Variants in CACNA1A observed in about 807,000 individuals in gnomAD.
The protein encoded by CACNA1A is voltage-dependent P/Q-type calcium channel subunit alpha-1A.
Under a neutral mutation model 262.4 loss-of-function variants are expected in CACNA1A, and 57 were observed. The ratio of observed to expected loss-of-function variants is 0.22; its 90% CI spans 0.18 to 0.27. CACNA1A has a LOEUF of 0.27. Ranked by LOEUF, CACNA1A falls within the 10% of genes least tolerant of loss-of-function variation. The probability of loss-of-function intolerance (pLI) is 1.00; values close to 1 mark genes in which losing one functional copy is unlikely to be tolerated. For missense variants in CACNA1A, 2,526 were observed against 3,562.8 expected, an observed-to-expected ratio of 0.71 and a Z score of 7.41; for synonymous variants, 1,431 against 1,419.3, an observed-to-expected ratio of 1.01 and a Z score of -0.18.
At chr19:13,478,764 T>C (rs543913840) in intron 1 of CACNA1A, among the ~76,000 whole-genome samples, 41 of 152,348 alleles carry the variant, frequency 2.7e-4, no homozygotes, top group Middle Eastern at 6.8e-3. Flanking sequence ...TATTTCCAGA[T>C]GAATGCTATT....
intron 14 of CACNA1A, 70 bp from the exon 15 acceptor site, chr19:13,307,924 C>T (rs1396225033): frequency 6.8e-7 from 1 of 1,462,710 alleles, no homozygotes; most frequent in African/African-American, 1.4e-5. Flanking sequence ...CTCAGTATCT[C>T]ATCTCCAAGG....
chr19:13,227,845 C>T (rs961135177), intron 36 of CACNA1A, among the ~76,000 whole-genome samples: 2 of 137,448 alleles, frequency 1.5e-5, no homozygotes, highest in South Asian at 2.4e-4. Context: ...TGGAGGGATG[C>T]GGAGGGGAGG....
In CACNA1A at chr19:13,451,858, C is replaced by CT. The variant is rs34930003; in HGVS notation, c.539+1017dup. 620 of 140,492 alleles carry CT rather than the reference C, an allele frequency of 4.4e-3. 7 individuals are homozygous for CT. The highest frequency in any genetic ancestry group is 0.017 in the African/African-American group (583 of 35,006). The allele number at this position is 140,492 out of a possible 1,614,324, so 8.7% of individuals were successfully genotyped here. A position where few individuals can be genotyped will look rare whatever the true frequency, so the allele number is the denominator to read the frequency against. ...GTCAACTAGGAACAATTATTTTGGA[C>CT]TTTTTTTTTTCGAGATGGGGTCTTG... On this transcript the variant is annotated intron_variant, in intron 3 of 46. Transcript: ENST00000360228.
intron 20 of CACNA1A, 36 bp from the exon 21 acceptor site, chr19:13,285,242 C>G (rs1300943590): frequency 6.2e-7 from 1 of 1,611,720 alleles, no homozygotes; most frequent in African/African-American, 1.3e-5. Context: ...GCTCCCTCCA[C>G]AATTTCCCAC....
intron 4 of CACNA1A, chr19:13,365,708 C>T: frequency 7.4e-6 from 3 of 404,594 alleles, no homozygotes; most frequent in South Asian, 4.3e-5. Context: ...TGCACTGCTG[C>T]CCAGGCTGGA....
At chr19:13,485,187 T>C (rs959092081) in intron 1 of CACNA1A, among the ~76,000 whole-genome samples, 19 of 152,134 alleles carry the variant, frequency 1.2e-4, no homozygotes, top group African/African-American at 4.6e-4. Flanking sequence ...ACAATTCTTA[T>C]GGAATAAAAA....
intron 10 of CACNA1A, among the ~76,000 whole-genome samples, chr19:13,325,053 C>T (rs1418093407): frequency 1.3e-5 from 2 of 150,034 alleles, no homozygotes; most frequent in African/African-American, 2.5e-5. Flanking sequence ...CTTCCTCTTC[C>T]CCTTCCCCTT....
At chr19:13,310,121 G>T (rs2057989409) in intron 12 of CACNA1A, among the ~76,000 whole-genome samples, 1 of 151,880 alleles carries the variant, frequency 6.6e-6, no homozygotes, top group Non-Finnish European at 1.5e-5. Context: ...GTGTTTTCAA[G>T]GTCCTCGCCT....
Position 13,371,840 on chromosome 19 carries a change from C to T in CACNA1A, c.540-61G>A, listed in dbSNP as rs143162501. 7.9e-4 allele frequency: 983 copies of T among 1,243,852 alleles called. 7 individuals carry two copies. In the Middle Eastern group the frequency reaches 0.012, roughly 15 times the overall value. 77.1% of individuals were successfully genotyped at this position (1,243,852 alleles called of 1,614,324 possible). A position where few individuals can be genotyped will look rare whatever the true frequency, so the allele number is the denominator to read the frequency against. On this transcript the variant is annotated intron_variant, in intron 3 of 46. Transcript: ENST00000360228. ...GGGTTTTGGGGGTCAGACAGCAGGG[C>T]GGGGGTGCTTGGGATTCCAAGCTGT... is the stretch of plus-strand genomic sequence containing the variant.
chr19:13,483,376 C>T (rs907211735), intron 1 of CACNA1A, among the ~76,000 whole-genome samples: 5 of 152,124 alleles, frequency 3.3e-5, no homozygotes, highest in Non-Finnish European at 5.9e-5. Flanking sequence ...TATCCTAATA[C>T]ACCTTTAAGA....
intron 21 of CACNA1A, 103 bp from the exon 22 acceptor site, chr19:13,283,499 C>A: frequency 1.4e-6 from 2 of 1,429,036 alleles, no homozygotes; most frequent in Non-Finnish European, 1.9e-6. Flanking sequence ...AGATCTCCAA[C>A]CCCCAAGGCC....
At chr19:13,298,199 C>T (rs1157016087) in intron 19 of CACNA1A, among the ~76,000 whole-genome samples, 2 of 137,284 alleles carry the variant, frequency 1.5e-5, no homozygotes, top group Non-Finnish European at 3.1e-5. Flanking sequence ...GGTGTGATCT[C>T]GGCTCATTGC....
chr19:13,270,094 C>T (rs57737964), intron 24 of CACNA1A, among the ~76,000 whole-genome samples: 68,779 of 151,818 alleles, frequency 0.45, 16,074 homozygotes, highest in East Asian at 0.62. Context: ...TGTGAGCCTC[C>T]GTATTCAGGG....
At chr19:13,492,528 G>GA (rs1247595902) in intron 1 of CACNA1A, among the ~76,000 whole-genome samples, 2 of 152,104 alleles carry the variant, frequency 1.3e-5, no homozygotes, top group Admixed American at 6.6e-5. Flanking sequence ...CCATTTCCAG[G>GA]AATCTGTCCT....
chr19:13,360,637 C>A lies in CACNA1A; in HGVS notation c.785-838G>T, dbSNP rs529430587. 2.6e-5 allele frequency among the ~76,000 whole-genome samples: 4 copies of A among 152,164 alleles called. No homozygotes were observed. The East Asian group carries it at 7.7e-4, about 29-fold the overall frequency. On this transcript the variant is annotated intron_variant, in intron 5 of 46. Transcript: ENST00000360228. ...GGATTATAGGTGGCCACCACCACAC[C>A]TGGATAATCTTTGTATTTTTAGTGG...
intron 24 of CACNA1A, among the ~76,000 whole-genome samples, chr19:13,270,657 A>T (rs564094649): frequency 6.6e-6 from 1 of 152,288 alleles, no homozygotes; most frequent in South Asian, 2.1e-4. Flanking sequence ...GGTGTGCAGG[A>T]ATGGCTTGAT....
chr19:13,470,125 G>T (rs555662311), intron 1 of CACNA1A, among the ~76,000 whole-genome samples: 2 of 152,154 alleles, frequency 1.3e-5, no homozygotes, highest in Non-Finnish European at 2.9e-5. Flanking sequence ...TAATGGATGG[G>T]AATGACCCAA....
rs565651887 is a variant in CACNA1A, at chr19:13,358,533, C to T, written c.978+1073G>A. Among the ~76,000 whole-genome samples the T allele has an allele frequency of 2.6e-5, 4 of 152,296 alleles. No homozygotes were observed. The South Asian group carries it at 8.3e-4, about 32-fold the overall frequency. ...ATTGAACAGCATGTATAGAATGCTA[C>T]TCCTTGGGATAAGAAAGAGGGGGGA... On this transcript the variant is annotated intron_variant, in intron 6 of 46. Transcript: ENST00000360228.
intron 1 of CACNA1A, among the ~76,000 whole-genome samples, chr19:13,494,922 G>A (rs1333032910): frequency 6.6e-6 from 1 of 152,074 alleles, no homozygotes; most frequent in African/African-American, 2.4e-5. Context: ...AGATTTGGGT[G>A]GGGACACAGA....
Sources: allele counts gnomAD v4.1 joint callset (sites outside exome capture counted in the v4.1 genomes callset), GRCh38; gene constraint gnomAD v4.1.1; transcripts MANE v1.5; gene names NCBI Gene and HGNC (gene_info 2026-07-23, HGNC 2026-07-21).